Variants in MOXD1 observed in about 807,000 individuals in gnomAD.
MOXD1 encodes DBH-like monooxygenase protein 1.
Under a neutral mutation model 66.6 loss-of-function variants are expected in MOXD1, and 62 were observed. That is an observed-to-expected ratio of 0.93 (90% CI 0.76 to 1.15). MOXD1 has a LOEUF of 1.15. MOXD1 is among the 50% of genes most tolerant of loss of function. The pLI, the probability that MOXD1 is intolerant of heterozygous loss-of-function variation, is 0.00. For missense variants in MOXD1, 847 were observed against 754.6 expected, an observed-to-expected ratio of 1.12 and a Z score of -1.44; for synonymous variants, 303 against 281.9, an observed-to-expected ratio of 1.07 and a Z score of -0.75.
At position 132,358,855 on chromosome 6, in the gene MOXD1, G is replaced by T. The variant is rs145328133; in HGVS notation, c.663+13753C>A. On this transcript the variant is annotated intron_variant, in intron 4 of 11. Transcript: ENST00000367963. ...TAAAGCAGTATTTTTTCAAAGCTTG[G>T]TAAATAAATAAATAATTCCTTGAGA... Among the ~76,000 whole-genome samples, 832 of 152,210 alleles carry T rather than the reference G, an allele frequency of 5.5e-3. 10 individuals are homozygous for T. Among genetic ancestry groups the T allele is most frequent in the Non-Finnish European group, 8.0e-3 (545 of 68,012 alleles).
At chr6:132,337,172 A>C (rs1775458464) in intron 4 of MOXD1, among the ~76,000 whole-genome samples, 1 of 152,234 alleles carries the variant, frequency 6.6e-6, no homozygotes, top group Non-Finnish European at 1.5e-5. Context: ...TCCTCTTAAT[A>C]AATGAATCGA....
chr6:132,397,236 C>T (rs1391598373), intron 1 of MOXD1, among the ~76,000 whole-genome samples: 1 of 152,222 alleles, frequency 6.6e-6, no homozygotes, highest in Non-Finnish European at 1.5e-5. Flanking sequence ...GAGTTGTCCC[C>T]ACCAAATTTC....
At chr6:132,323,177 G>A (rs1042387883) in intron 7 of MOXD1, among the ~76,000 whole-genome samples, 1 of 152,114 alleles carries the variant, frequency 6.6e-6, no homozygotes, top group African/African-American at 2.4e-5. Flanking sequence ...AAAGATTCCA[G>A]TATGTTAGTA....
chr6:132,328,363 C>A, intron 5 of MOXD1, 52 bp downstream of exon 5: 1 of 1,571,780 alleles, frequency 6.4e-7, no homozygotes, highest in African/African-American at 1.3e-5. Flanking sequence ...ATATTTGTGG[C>A]GGGAAATATG....
At chr6:132,352,139 G>C (rs1775814050) in intron 4 of MOXD1, among the ~76,000 whole-genome samples, 1 of 151,976 alleles carries the variant, frequency 6.6e-6, no homozygotes. Flanking sequence ...TTTTAGTTCA[G>C]GTCTGATCCG....
intron 4 of MOXD1, 53 bp downstream of exon 4, chr6:132,372,555 A>G (rs1776284652): frequency 1.4e-6 from 2 of 1,442,128 alleles, no homozygotes; most frequent in African/African-American, 1.4e-5. Flanking sequence ...ATTAACATCA[A>G]TTTATTTTTC....
At chr6:132,298,923 A>C (rs1016638920) in intron 10 of MOXD1, among the ~76,000 whole-genome samples, 9 of 152,188 alleles carry the variant, frequency 5.9e-5, no homozygotes, top group Non-Finnish European at 1.0e-4. Context: ...ATTACTAGCT[A>C]TACACCCAAA....
Position 132,328,048 on chromosome 6 carries a change from A to T in MOXD1, c.911T>A (p.Leu304Gln). The change falls in exon 6 of 12, where the codon CTA (leucine) becomes CAA (glutamine). Residue 304 changes from leucine to glutamine, a missense_variant. Physicochemically the swap from Leu to Gln is moderately radical, Grantham distance 113. Transcript: ENST00000367963. ...GTPLDPHYVL[L>Q]EVHYDNPTYE... ...AGTGGGATTATCATAATGGACTTCT[A>T]GGAGCACATAATGCGGATCTAATGG... The T allele has an allele frequency of 6.2e-7, 1 of 1,613,778 alleles. No homozygotes were observed. The highest frequency in any genetic ancestry group is 2.2e-5 in the East Asian group (1 of 44,866).
In MOXD1 at chr6:132,310,200, A is replaced by T. The variant is rs142183983; in HGVS notation, c.1508+5435T>A. On this transcript the variant is annotated intron_variant, in intron 10 of 11. Coordinates refer to ENST00000367963, the MANE Select transcript of MOXD1 (RefSeq NM_015529.4). The stretch of plus-strand genomic sequence containing the variant: ...AAAAGTCAGCAAAGGATATGAACAG[A>T]CACTTCTCAAAAGAAGACATTTATG... Among the ~76,000 whole-genome samples the T allele has an allele frequency of 2.7e-4, 41 of 152,348 alleles. 1 individual carries two copies. In the East Asian group the frequency reaches 7.9e-3, roughly 29 times the overall value.
intron 4 of MOXD1, among the ~76,000 whole-genome samples, chr6:132,343,361 G>T (rs889615323): frequency 1.3e-5 from 2 of 152,180 alleles, no homozygotes; most frequent in Non-Finnish European, 2.9e-5. Context: ...GACCACCAGA[G>T]GTTGGGAGTT....
At chr6:132,343,805 AATTAT>A (rs1274460792) in intron 4 of MOXD1, among the ~76,000 whole-genome samples, 1 of 152,156 alleles carries the variant, frequency 6.6e-6, no homozygotes, top group Non-Finnish European at 1.5e-5. Flanking sequence ...TTGTTATTTA[AATTAT>A]ATTAAATTCA....
chr6:132,331,495 G>A (rs2114589772), intron 4 of MOXD1, among the ~76,000 whole-genome samples: 1 of 151,668 alleles, frequency 6.6e-6, no homozygotes, highest in Admixed American at 6.6e-5. Flanking sequence ...AAGAGCAAGT[G>A]CTTTTTTTTT....
At chr6:132,340,404 G>T (rs1775526755) in intron 4 of MOXD1, among the ~76,000 whole-genome samples, 1 of 147,704 alleles carries the variant, frequency 6.8e-6, no homozygotes, top group Non-Finnish European at 1.5e-5. Flanking sequence ...TTTCTTGTTT[G>T]CTCTGAGAAA....
At chr6:132,315,074 T>C (rs1399776213) in intron 10 of MOXD1, among the ~76,000 whole-genome samples, 4 of 152,198 alleles carry the variant, frequency 2.6e-5, no homozygotes, top group African/African-American at 9.6e-5. Context: ...GCCTATACTG[T>C]GCAAACAATG....
At chr6:132,330,225 A>G (rs1328389716) in intron 4 of MOXD1, among the ~76,000 whole-genome samples, 1 of 152,178 alleles carries the variant, frequency 6.6e-6, no homozygotes, top group East Asian at 1.9e-4. Flanking sequence ...GCAGGAGGTG[A>G]GCAGTGGGCA....
intron 4 of MOXD1, among the ~76,000 whole-genome samples, chr6:132,332,195 G>A (rs1403503670): frequency 1.3e-5 from 2 of 152,168 alleles, no homozygotes; most frequent in Non-Finnish European, 2.9e-5. Context: ...GAATTAAACT[G>A]TAATCTGACC....
chr6:132,344,588 G>A (rs35876357), intron 4 of MOXD1, among the ~76,000 whole-genome samples: 30,710 of 152,058 alleles, frequency 0.2, 3,249 homozygotes, highest in South Asian at 0.27. Flanking sequence ...CCCATTTGGC[G>A]CACATTCCTT....
intron 11 of MOXD1, 129 bp from the exon 12 acceptor site, chr6:132,297,446 A>G: frequency 2.1e-6 from 2 of 935,650 alleles, no homozygotes; most frequent in Non-Finnish European, 1.6e-6. Flanking sequence ...GGAGTCACAC[A>G]CTGGGGGAGT....
Position 132,401,475 on chromosome 6 carries a change from T to A in MOXD1, c.-49A>T, listed in dbSNP as rs573356113. 1.6e-5 allele frequency: 22 copies of A among 1,417,304 alleles called. No individual in the cohort carries two copies. Among genetic ancestry groups the A allele is most frequent in the Middle Eastern group, 2.5e-4 (1 of 3,988 alleles). 87.8% of individuals were successfully genotyped at this position (1,417,304 alleles called of 1,614,324 possible). A position where few individuals can be genotyped will look rare whatever the true frequency, so the allele number is the denominator to read the frequency against. Reference sequence around the variant, plus strand: ...GTACCGGCCTCCAGCCGCTGGGGAGTGAGGAGCAGAACGAGGAGCGGCAGC... The same window carrying A: ...GTACCGGCCTCCAGCCGCTGGGGAGAGAGGAGCAGAACGAGGAGCGGCAGC... On this transcript the variant is annotated 5_prime_UTR_variant, in exon 1 of 12. Transcript: ENST00000367963.
Sources: gnomAD v4.1 joint callset for allele counts (sites outside exome capture counted in the v4.1 genomes callset) on GRCh38, gnomAD v4.1.1 for gene constraint, MANE v1.5 for transcripts, NCBI Gene and HGNC (gene_info 2026-07-23, HGNC 2026-07-21) for gene names.